The following NLGN1 variants were observed in gnomAD, a reference collection of about 807,000 sequenced individuals.
NLGN1 encodes the protein neuroligin 1.
Under a neutral mutation model 65.5 loss-of-function variants are expected in NLGN1, and 12 were observed. The ratio of observed to expected loss-of-function variants is 0.18; its 90% CI spans 0.12 to 0.30. The LOEUF (loss-of-function observed/expected upper bound fraction) is 0.30. NLGN1 is among the 10% of genes least tolerant of loss of function. NLGN1 has a pLI of 1.00. For missense variants in NLGN1, 750 were observed against 1,007.1 expected (o/e 0.74, Z 3.46); for synonymous variants, 350 against 359.5 (o/e 0.97, Z 0.30).
At chr3:173,404,424 T>C (rs1718246595) in intron 1 of NLGN1, among the ~76,000 whole-genome samples, 1 of 152,146 alleles carries the variant, frequency 6.6e-6, no homozygotes, top group Non-Finnish European at 1.5e-5. Flanking sequence ...TAGAGCTGTT[T>C]ACACCACAGC....
chr3:173,960,919 C>T (rs1043696624), intron 4 of NLGN1, among the ~76,000 whole-genome samples: 3 of 151,984 alleles, frequency 2.0e-5, no homozygotes, highest in African/African-American at 7.2e-5. Flanking sequence ...AATGATGCAA[C>T]TTTAATATCT....
At chr3:173,765,444 AATCTGCCATT>A (rs1341785800) in intron 3 of NLGN1, among the ~76,000 whole-genome samples, 1 of 152,146 alleles carries the variant, frequency 6.6e-6, no homozygotes, top group Non-Finnish European at 1.5e-5. Context: ...ACCAAGAGGA[AATCTGCCATT>A]AGGACAAGAA....
chr3:173,473,373 A>G (rs1278088930), intron 2 of NLGN1, among the ~76,000 whole-genome samples: 2 of 152,240 alleles, frequency 1.3e-5, no homozygotes, highest in Non-Finnish European at 2.9e-5. Context: ...CATTTGGATC[A>G]TTGACCATTG....
chr3:173,664,222 A>G (rs954064461), intron 3 of NLGN1, among the ~76,000 whole-genome samples: 5 of 152,192 alleles, frequency 3.3e-5, no homozygotes, highest in Admixed American at 1.3e-4. Flanking sequence ...AAAACTCAAA[A>G]TATTTATCAG....
intron 2 of NLGN1, among the ~76,000 whole-genome samples, chr3:173,512,911 C>G (rs1733215021): frequency 6.6e-6 from 1 of 152,170 alleles, no homozygotes; most frequent in Non-Finnish European, 1.5e-5. Context: ...AATATATCTT[C>G]AGTAATGCAA....
chr3:173,658,058 A>G (rs1200832594), intron 3 of NLGN1, among the ~76,000 whole-genome samples: 2 of 152,000 alleles, frequency 1.3e-5, no homozygotes, highest in African/African-American at 4.8e-5. Flanking sequence ...TTAAAGAACT[A>G]AAAATGGTGT....
At chr3:173,466,528 G>T (rs1469052960) in intron 2 of NLGN1, among the ~76,000 whole-genome samples, 1 of 152,138 alleles carries the variant, frequency 6.6e-6, no homozygotes, top group Non-Finnish European at 1.5e-5. Context: ...GCTGGTACTG[G>T]TGTGTTTTGT....
chr3:173,514,441 T>C (rs1238568539), intron 2 of NLGN1, among the ~76,000 whole-genome samples: 2 of 152,184 alleles, frequency 1.3e-5, no homozygotes, highest in Admixed American at 6.5e-5. Context: ...TAGGCCTTTG[T>C]GTTCTGGTAG....
At position 174,052,138 on chromosome 3, in the gene NLGN1, T is replaced by C. The variant is rs117024100; in HGVS notation, c.647-223177T>C. ...CCATATTGAGATGTCACTGGGCTTT[T>C]TTTCTCCATGAACCATTTTACTGAA... is the stretch of plus-strand genomic sequence containing the variant. On this transcript the variant is annotated intron_variant, in intron 4 of 6. Transcript: ENST00000457714. Among the ~76,000 whole-genome samples the C allele has an allele frequency of 6.3e-3, 958 of 152,156 alleles. 23 individuals are homozygous for C. The highest frequency in any genetic ancestry group is 0.039 in the East Asian group (198 of 5,138).
intron 4 of NLGN1, among the ~76,000 whole-genome samples, chr3:174,249,373 A>G (rs1744371235): frequency 6.6e-6 from 1 of 152,190 alleles, no homozygotes; most frequent in Non-Finnish European, 1.5e-5. Flanking sequence ...ACTATAAGAT[A>G]TGTTATGAAC....
At chr3:174,197,817 T>A (rs1733758634) in intron 4 of NLGN1, among the ~76,000 whole-genome samples, 1 of 150,576 alleles carries the variant, frequency 6.6e-6, no homozygotes. Flanking sequence ...TGCTTTAAAA[T>A]CATATTTTGT....
intron 3 of NLGN1, among the ~76,000 whole-genome samples, chr3:173,609,845 G>A (rs909802673): frequency 6.6e-6 from 1 of 151,894 alleles, no homozygotes; most frequent in African/African-American, 2.4e-5. Context: ...AAGAGTGCTG[G>A]TATGGAGAGT....
intron 4 of NLGN1, among the ~76,000 whole-genome samples, chr3:174,072,603 G>C (rs974453486): frequency 2.0e-5 from 3 of 152,134 alleles, no homozygotes; most frequent in Non-Finnish European, 4.4e-5. Flanking sequence ...CAACGGGAAT[G>C]TGAGGGCAGC....
intron 2 of NLGN1, among the ~76,000 whole-genome samples, chr3:173,456,910 A>T (rs1354034222): frequency 1.3e-5 from 2 of 152,120 alleles, no homozygotes; most frequent in East Asian, 3.9e-4. Context: ...TTGCATATGG[A>T]TCCCCTGACA....
chr3:173,680,240 G>A (rs1357758588), intron 3 of NLGN1, among the ~76,000 whole-genome samples: 5 of 152,104 alleles, frequency 3.3e-5, no homozygotes, highest in African/African-American at 1.2e-4. Context: ...GCTGAGCTTT[G>A]TGCTAATTTA....
At chr3:174,278,983 G>A (rs1262322039) in exon 6 of NLGN1, 2 of 1,579,882 alleles carry the variant, frequency 1.3e-6, no homozygotes, top group African/African-American at 1.4e-5. Flanking sequence ...TTCAGATACA[G>A]TAGAGTTAGT....
At chr3:173,617,433 G>A (rs916621179) in intron 3 of NLGN1, among the ~76,000 whole-genome samples, 41 of 152,198 alleles carry the variant, frequency 2.7e-4, no homozygotes, top group African/African-American at 9.7e-4. Context: ...TTGTTGGAGA[G>A]AGCCTTCATC....
chr3:174,216,109 CTG>C (rs1344637477), intron 4 of NLGN1, among the ~76,000 whole-genome samples: 1 of 152,142 alleles, frequency 6.6e-6, no homozygotes, highest in African/African-American at 2.4e-5. Flanking sequence ...AATTGCATTA[CTG>C]TGTTCTTTAA....
intron 4 of NLGN1, among the ~76,000 whole-genome samples, chr3:174,198,844 C>CTTTTTTTTTTTTTTTT: frequency 1.0e-5 from 1 of 99,862 alleles, no homozygotes; most frequent in Non-Finnish European, 1.9e-5. Flanking sequence ...TGACTAGATT[C>CTTTTTTTTTTTTTTTT]TTTTTTTTTT....
Sources: gnomAD v4.1 joint callset for allele counts (sites outside exome capture counted in the v4.1 genomes callset) on GRCh38, gnomAD v4.1.1 for gene constraint, MANE v1.5 for transcripts, NCBI Gene and HGNC (gene_info 2026-07-23, HGNC 2026-07-21) for gene names.